FHOD3: variants seen among roughly 807,000 people sequenced by gnomAD.
The protein encoded by FHOD3 is FH1/FH2 domain-containing protein 3.
FHOD3 carries 90 observed loss-of-function variants against 173.0 expected under a neutral mutation model. The ratio of observed to expected loss-of-function variants is 0.52; its 90% CI spans 0.44 to 0.62. The LOEUF (loss-of-function observed/expected upper bound fraction) is 0.62. Among genes scored for constraint, FHOD3 ranks in the 20% least tolerant of loss-of-function variants. The pLI is 0.00. For missense variants in FHOD3, 1,945 were observed against 2,034.7 expected, an observed-to-expected ratio of 0.96 and a Z score of 0.85; for synonymous variants, 828 against 823.0, an observed-to-expected ratio of 1.01 and a Z score of -0.10.
chr18:36,709,133 C>A lies in FHOD3; in HGVS notation c.2275C>A (p.Pro759Thr), dbSNP rs1051163829. 4 of 1,613,788 alleles carry A rather than the reference C, an allele frequency of 2.5e-6. No homozygotes were observed. The highest frequency in any genetic ancestry group is 2.7e-5 in the African/African-American group (2 of 74,922). Residue 759 changes from proline to threonine, a missense_variant, in exon 18 of 29, where the codon CCG becomes ACG. Pro to Thr is a conservative substitution (Grantham distance 38). Coordinates refer to ENST00000590592, the MANE Select transcript of FHOD3 (RefSeq NM_001281740.3). ...TCCTGAACCCGAATCAGAGGCAGAA[C>A]CGGAAGCAGAGGCAGGGGCGGGGCA... ...GDPEPESEAE[P>T]EAEAGAGQVA...
chr18:36,610,852 G>T (rs2092406959), intron 8 of FHOD3, among the ~76,000 whole-genome samples: 1 of 152,174 alleles, frequency 6.6e-6, no homozygotes, highest in South Asian at 2.1e-4. Context: ...GGGACTAAAG[G>T]CTGAGACTGG....
chr18:36,775,264 A>AC (rs1247221700), intron 28 of FHOD3, among the ~76,000 whole-genome samples: 1 of 152,236 alleles, frequency 6.6e-6, no homozygotes, highest in Non-Finnish European at 1.5e-5. Context: ...TGTGCAAAAA[A>AC]ACCCCGAAAT....
chr18:36,652,858 C>T lies in FHOD3; in HGVS notation c.1575C>T (p.Leu525=). 1 of 1,536,002 alleles carries T rather than the reference C, an allele frequency of 6.5e-7. No homozygotes were observed. Among genetic ancestry groups the T allele is most frequent in the Non-Finnish European group, 8.7e-7 (1 of 1,146,728 alleles). Residue 525 remains leucine (L), a synonymous_variant, in exon 12 of 29, where the codon CTC becomes CTT. Transcript: ENST00000590592. ...ACGTGCCCCACAGCCCCTTCCACCT[C>T]TTCTCCTATGACTTTGAGGACTCCT... The part of the protein sequence containing the change: ...LPYVPHSPFH[L]FSYDFEDSSL...
intron 3 of FHOD3, among the ~76,000 whole-genome samples, chr18:36,478,857 A>G (rs200675496): frequency 1.3e-5 from 2 of 152,238 alleles, no homozygotes; most frequent in East Asian, 3.9e-4. Flanking sequence ...TGACTCCTTC[A>G]AACTATTGAA....
intron 10 of FHOD3, among the ~76,000 whole-genome samples, chr18:36,644,492 T>C (rs536426153): frequency 6.6e-6 from 1 of 152,346 alleles, no homozygotes; most frequent in African/African-American, 2.4e-5. Context: ...GATCTGGTCA[T>C]AGGGCATCCT....
At chr18:36,441,752 T>C (rs1021422082) in intron 3 of FHOD3, among the ~76,000 whole-genome samples, 2 of 152,212 alleles carry the variant, frequency 1.3e-5, no homozygotes, top group Admixed American at 1.3e-4. Context: ...TGCCATCTCT[T>C]CATCACATTT....
At chr18:36,621,948 A>G (rs868214096) in intron 9 of FHOD3, among the ~76,000 whole-genome samples, 15 of 152,230 alleles carry the variant, frequency 9.9e-5, no homozygotes, top group Non-Finnish European at 1.5e-4. Flanking sequence ...AAAATGTCCA[A>G]TGATGGACGA....
rs533755865 is a variant in FHOD3 at position 36,658,063 on chromosome 18, T to C, written c.1722-12T>C. Reference sequence around the variant, plus strand: ...TCCTTTTCCCCCCAACTTAAACCTCTGCACTTCTTAGATACAGCAATTTTG... The same window carrying C: ...TCCTTTTCCCCCCAACTTAAACCTCCGCACTTCTTAGATACAGCAATTTTG... On this transcript the variant is annotated splice_polypyrimidine_tract_variant and intron_variant, in intron 13 of 28. Transcript: ENST00000590592. 5 of 1,589,516 alleles carry C rather than the reference T, an allele frequency of 3.1e-6. No individual in the cohort carries two copies. Among genetic ancestry groups the C allele is most frequent in the Non-Finnish European group, 4.3e-6 (5 of 1,161,150 alleles).
intron 3 of FHOD3, among the ~76,000 whole-genome samples, chr18:36,439,991 A>G (rs1265377198): frequency 6.6e-6 from 1 of 152,162 alleles, no homozygotes; most frequent in Non-Finnish European, 1.5e-5. Context: ...GCCCTCACAG[A>G]CACACCCAGA....
chr18:36,464,685 A>AGAGGGAGACCAGGCTGGGTCCTTAG lies in FHOD3; in HGVS notation c.338-37240_338-37216dup, dbSNP rs1375515608. On this transcript the variant is annotated intron_variant, in intron 3 of 28. Coordinates refer to ENST00000590592, the MANE Select transcript of FHOD3 (RefSeq NM_001281740.3). ...GAGGGAGTGCCAGAGACACAGTCAG[A>AGAGGGAGACCAGGCTGGGTCCTTAG]GAGGGAGACCAGGCTGGGTCCTTAG... is the stretch of plus-strand genomic sequence containing the variant. Among the ~76,000 whole-genome samples the AGAGGGAGACCAGGCTGGGTCCTTAG allele has an allele frequency of 1.9e-3, 293 of 152,270 alleles. 2 individuals carry two copies. The highest frequency in any genetic ancestry group is 2.3e-3 in the Non-Finnish European group (155 of 68,006).
chr18:36,718,146 G>GA lies in FHOD3; in HGVS notation c.2848_2849insA (p.Gly950GlufsTer8). On this transcript the variant is annotated frameshift_variant, in exon 19 of 29. Coordinates refer to ENST00000590592, the MANE Select transcript of FHOD3 (RefSeq NM_001281740.3). LOFTEE classifies it high-confidence loss of function. Reference sequence around the variant, plus strand: ...TGAGAAATTCAACAGTGGGGACCTGGGGAGAGGTTCCATCTCCCCTGATGC... The same window carrying GA: ...TGAGAAATTCAACAGTGGGGACCTGGAGGAGAGGTTCCATCTCCCCTGATGC... The GA allele has an allele frequency of 6.2e-7, 1 of 1,608,588 alleles. No individual in the cohort carries two copies. Among genetic ancestry groups the GA allele is most frequent in the Non-Finnish European group, 8.5e-7 (1 of 1,177,166 alleles).
intron 5 of FHOD3, among the ~76,000 whole-genome samples, chr18:36,532,710 A>G (rs1310922652): frequency 6.6e-6 from 1 of 152,050 alleles, no homozygotes; most frequent in Non-Finnish European, 1.5e-5. Flanking sequence ...TCCCTCGGAG[A>G]CCCACCGGGT....
At chr18:36,651,269 C>T (rs906929130) in intron 11 of FHOD3, among the ~76,000 whole-genome samples, 1 of 152,134 alleles carries the variant, frequency 6.6e-6, no homozygotes, top group Non-Finnish European at 1.5e-5. Context: ...AAGAAGACAG[C>T]TCACATTCCA....
intron 1 of FHOD3, among the ~76,000 whole-genome samples, chr18:36,309,218 T>C (rs536265809): frequency 1.3e-5 from 2 of 152,274 alleles, no homozygotes; most frequent in South Asian, 4.1e-4. Flanking sequence ...CTCTCACTTG[T>C]ACTGTTCCTA....
At chr18:36,419,534 G>C (rs2049874908) in intron 3 of FHOD3, among the ~76,000 whole-genome samples, 2 of 152,204 alleles carry the variant, frequency 1.3e-5, no homozygotes, top group Non-Finnish European at 2.9e-5. Context: ...TGGAAGGAAA[G>C]AATGCTGATA....
At chr18:36,601,847 T>C (rs1000274787) in intron 7 of FHOD3, among the ~76,000 whole-genome samples, 1 of 152,216 alleles carries the variant, frequency 6.6e-6, no homozygotes, top group African/African-American at 2.4e-5. Flanking sequence ...TGCCTCTTTT[T>C]GGTCTTGCCC....
At chr18:36,481,962 G>T (rs1056006638) in intron 3 of FHOD3, among the ~76,000 whole-genome samples, 1 of 152,160 alleles carries the variant, frequency 6.6e-6, no homozygotes, top group African/African-American at 2.4e-5. Flanking sequence ...ATGGGTTAGA[G>T]TTTTAAGGAA....
chr18:36,548,988 A>G (rs1175182500), intron 5 of FHOD3, among the ~76,000 whole-genome samples: 3 of 152,240 alleles, frequency 2.0e-5, no homozygotes, highest in Non-Finnish European at 4.4e-5. Context: ...TTAGCTTTAA[A>G]AAATACTTCC....
intron 5 of FHOD3, among the ~76,000 whole-genome samples, chr18:36,526,663 G>A (rs755067214): frequency 2.6e-5 from 4 of 152,052 alleles, no homozygotes; most frequent in Non-Finnish European, 4.4e-5. Context: ...TCAGCCTCCC[G>A]AAGTGCTGAG....
Sources: gnomAD v4.1 joint callset for allele counts (sites outside exome capture counted in the v4.1 genomes callset) on GRCh38, gnomAD v4.1.1 for gene constraint, MANE v1.5 for transcripts, NCBI Gene and HGNC (gene_info 2026-07-23, HGNC 2026-07-21) for gene names.